KLHL18: variants seen among roughly 807,000 people sequenced by gnomAD.
KLHL18 encodes kelch-like protein 18.
A neutral mutation model predicts 58.5 loss-of-function variants in KLHL18; 38 were observed. The ratio of observed to expected loss-of-function variants is 0.65; its 90% confidence interval spans 0.50 to 0.85. The LOEUF is 0.85. KLHL18 is among the 40% of genes least tolerant of loss of function. The pLI is 0.00. For synonymous variants in KLHL18, 303 were observed against 301.9 expected, an observed-to-expected ratio of 1.00 and a Z score of -0.04; for missense variants, 624 against 778.4, an observed-to-expected ratio of 0.80 and a Z score of 2.36.
At chr3:47,327,640 C>T (rs1432318431) in intron 3 of KLHL18, among the ~76,000 whole-genome samples, 1 of 152,230 alleles carries the variant, frequency 6.6e-6, no homozygotes, top group Non-Finnish European at 1.5e-5. Context: ...CCTCAGTGGC[C>T]ATGAACTTTG....
chr3:47,343,772 T>C lies in KLHL18; in HGVS notation c.1556T>C (p.Leu519Pro), dbSNP rs765581662. The C allele has an allele frequency of 2.0e-5, 32 of 1,614,242 alleles. No individual in the cohort carries two copies. The highest frequency in any genetic ancestry group is 2.7e-5 in the Non-Finnish European group (32 of 1,180,056). ...PMHTRRSRVS[L>P]VASCGRLYAV... ...CACACGCGCAGGAGCCGGGTCTCCCTGGTGGCCAGCTGTGGGCGCCTCTAC... is the reference window on the plus strand; with the variant it reads ...CACACGCGCAGGAGCCGGGTCTCCCCGGTGGCCAGCTGTGGGCGCCTCTAC... The change falls in exon 10 of 10, where the codon CTG (leucine) becomes CCG (proline). Residue 519 changes from leucine to proline, a missense_variant. By Grantham distance (98) the Leu-to-Pro change is moderately conservative. Transcript: ENST00000232766.
chr3:47,341,148 ACT>A (rs1173785127), intron 8 of KLHL18, among the ~76,000 whole-genome samples: 1 of 152,096 alleles, frequency 6.6e-6, no homozygotes, highest in African/African-American at 2.4e-5. Flanking sequence ...GCAGTAAATA[ACT>A]CTGTTTAACC....
At chr3:47,301,830 C>T (rs774762788) in intron 1 of KLHL18, among the ~76,000 whole-genome samples, 1 of 152,144 alleles carries the variant, frequency 6.6e-6, no homozygotes, top group South Asian at 2.1e-4. Flanking sequence ...GGATGTTGCT[C>T]TGTCATCCAG....
intron 2 of KLHL18, among the ~76,000 whole-genome samples, chr3:47,320,485 TAGTC>T (rs1703560192): frequency 6.6e-6 from 1 of 152,178 alleles, no homozygotes; most frequent in South Asian, 2.1e-4. Flanking sequence ...CCTTAGCTGG[TAGTC>T]AGTTATTGCC....
chr3:47,306,076 T>G (rs183773468), intron 1 of KLHL18, among the ~76,000 whole-genome samples: 155 of 152,030 alleles, frequency 1.0e-3, no homozygotes, highest in African/African-American at 3.0e-3. Context: ...CTCCTTTTAA[T>G]TTCCTTCCTT....
At position 47,319,529 on chromosome 3, in the gene KLHL18, G is replaced by A. The variant is rs115170226; in HGVS notation, c.130-124G>A. On this transcript the variant is annotated intron_variant, in intron 1 of 9. Transcript: ENST00000232766. Reference sequence around the variant, plus strand: ...CTCCATGCCCTGGGATGCCTTCACCGCCTTTGCAGTGGGCAGTGGGGTATG... The same window carrying A: ...CTCCATGCCCTGGGATGCCTTCACCACCTTTGCAGTGGGCAGTGGGGTATG... 1,726 of 1,022,352 alleles carry A rather than the reference G, an allele frequency of 1.7e-3. 16 individuals are homozygous for A. In the African/African-American group the frequency reaches 0.025, roughly 15 times the overall value. 63.3% of individuals were successfully genotyped at this position (1,022,352 alleles called of 1,614,324 possible).
chr3:47,336,939 A>G, intron 7 of KLHL18, 182 bp downstream of exon 7: 1 of 593,556 alleles, frequency 1.7e-6, no homozygotes, highest in Non-Finnish European at 3.0e-6. Context: ...AAAGTAAAAT[A>G]TCCACCTTGT....
rs754775581 is a variant in KLHL18, at chr3:47,329,951, G to T, written c.402G>T (p.Arg134=). Residue 134 remains arginine, a splice_region_variant and synonymous_variant, in exon 4 of 10, where the codon CGG becomes CGT. Transcript: ENST00000232766. ...TTTTTTTTCTTTCCTTATGCCAAAGGCTTCACCCAAAAAACTGCCTGGGTG... is the reference window on the plus strand; with the variant it reads ...TTTTTTTTCTTTCCTTATGCCAAAGTCTTCACCCAAAAAACTGCCTGGGTG... The part of the protein sequence containing the change: ...KDACCTFLRE[R]LHPKNCLGVR... 1 of 1,613,542 alleles carries T rather than the reference G, an allele frequency of 6.2e-7. No homozygotes were observed. The highest frequency in any genetic ancestry group is 2.2e-5 in the East Asian group (1 of 44,862).
At chr3:47,337,703 A>C (rs2107659121) in intron 7 of KLHL18, 1 of 152,368 alleles carries the variant, frequency 6.6e-6, no homozygotes, top group South Asian at 2.1e-4. Context: ...AGACCAGTTC[A>C]CAAAGCATCG....
chr3:47,283,154 G>C lies in KLHL18; in HGVS notation c.129+60G>C, dbSNP rs1012424359. 6.1e-6 allele frequency: 9 copies of C among 1,486,244 alleles called. No homozygotes were observed. In the African/African-American group the frequency reaches 1.1e-4, roughly 18 times the overall value. The allele number at this position is 1,486,244 out of a possible 1,614,324, so 92.1% of individuals were successfully genotyped here. A position where few individuals can be genotyped will look rare whatever the true frequency, so the allele number is the denominator to read the frequency against. ...AAGGGGTCGAGCGGGGAGTAAAAAG[G>C]GGCGGGGGACAGAGAAAGAGAGGTC... On this transcript the variant is annotated intron_variant, in intron 1 of 9. Coordinates refer to ENST00000232766, the MANE Select transcript of KLHL18 (RefSeq NM_025010.5).
chr3:47,321,585 G>T (rs1034405110), intron 2 of KLHL18, among the ~76,000 whole-genome samples: 2 of 152,026 alleles, frequency 1.3e-5, no homozygotes, highest in African/African-American at 4.8e-5. Context: ...CCTGACCTCA[G>T]GTGATCCGCC....
chr3:47,341,121 A>T (rs1704100350), intron 8 of KLHL18, among the ~76,000 whole-genome samples: 1 of 152,230 alleles, frequency 6.6e-6, no homozygotes, highest in South Asian at 2.1e-4. Context: ...AACATTTTAA[A>T]GACTCTAAGA....
intron 1 of KLHL18, among the ~76,000 whole-genome samples, chr3:47,313,980 A>G (rs992649040): frequency 1.3e-5 from 2 of 152,242 alleles, no homozygotes; most frequent in African/African-American, 4.8e-5. Context: ...TGGCATAGTC[A>G]GTGGCATACA....
chr3:47,311,162 G>C (rs1044745754), intron 1 of KLHL18, among the ~76,000 whole-genome samples: 4 of 151,842 alleles, frequency 2.6e-5, no homozygotes, highest in African/African-American at 9.7e-5. Context: ...GGCGCCCACC[G>C]CTTCGCCCGG....
intron 1 of KLHL18, among the ~76,000 whole-genome samples, chr3:47,283,710 T>A (rs542283157): frequency 6.6e-6 from 1 of 152,322 alleles, no homozygotes; most frequent in Non-Finnish European, 1.5e-5. Flanking sequence ...AGAGGGATGC[T>A]GACTGATATT....
At chr3:47,319,165 T>A (rs1206175889) in intron 1 of KLHL18, among the ~76,000 whole-genome samples, 1 of 152,188 alleles carries the variant, frequency 6.6e-6, no homozygotes, top group African/African-American at 2.4e-5. Context: ...ACAACACCAG[T>A]GTATCTCCTC....
intron 4 of KLHL18, among the ~76,000 whole-genome samples, chr3:47,330,781 AGTGCAGTG>A (rs1461433516): frequency 6.6e-6 from 1 of 152,192 alleles, no homozygotes; most frequent in Non-Finnish European, 1.5e-5. Context: ...CCCAAGCTGG[AGTGCAGTG>A]GTGCGATCTT....
At chr3:47,335,916 G>T (rs1000585521) in intron 6 of KLHL18, among the ~76,000 whole-genome samples, 1 of 152,152 alleles carries the variant, frequency 6.6e-6, no homozygotes, top group Non-Finnish European at 1.5e-5. Flanking sequence ...CTGGAGCGGC[G>T]TGCAAATGAA....
chr3:47,284,570 TCAG>T (rs997844189), intron 1 of KLHL18, among the ~76,000 whole-genome samples: 1 of 152,034 alleles, frequency 6.6e-6, no homozygotes, highest in Non-Finnish European at 1.5e-5. Context: ...CTCCTGAGCT[TCAG>T]CAGTCTGCCT....
Sources: gnomAD v4.1 joint callset for allele counts (sites outside exome capture counted in the v4.1 genomes callset) on GRCh38, gnomAD v4.1.1 for gene constraint, MANE v1.5 for transcripts, NCBI Gene and HGNC (gene_info 2026-07-23, HGNC 2026-07-21) for gene names.